RORA: variants seen among roughly 807,000 people sequenced by gnomAD.
RORA encodes nuclear receptor ROR-alpha.
A neutral mutation model predicts 69.5 loss-of-function variants in RORA; 7 were observed. That is an observed-to-expected ratio of 0.10 (90% confidence interval 0.06 to 0.19). The LOEUF is 0.19. Among genes scored for constraint, RORA ranks in the 10% least tolerant of loss-of-function variants. The pLI is 1.00. For synonymous variants in RORA, 261 were observed against 240.8 expected, an observed-to-expected ratio of 1.08 and a Z score of -0.78; for missense variants, 457 against 663.0, an observed-to-expected ratio of 0.69 and a Z score of 3.41.
intron 1 of RORA, among the ~76,000 whole-genome samples, chr15:61,182,267 C>T (rs914450542): frequency 3.3e-5 from 5 of 152,186 alleles, no homozygotes; most frequent in Admixed American, 6.5e-5. Context: ...TCAAGTTCCT[C>T]GCCTGAGGTC....
At chr15:61,216,362 G>C (rs1424784529) in intron 1 of RORA, among the ~76,000 whole-genome samples, 2 of 152,184 alleles carry the variant, frequency 1.3e-5, no homozygotes, top group Admixed American at 6.5e-5. Context: ...GAGTCTTTTA[G>C]AGTATTGCTT....
chr15:60,984,313 G>A lies in RORA; in HGVS notation c.166+244740C>T, dbSNP rs549024657. On this transcript the variant is annotated intron_variant, in intron 1 of 10. Transcript: ENST00000335670. Reference sequence around the variant, plus strand: ...ATAATACTCACAAAGAGAGGTTGGAGAAGGGTGCATTCTACATATATTTTT... The same window carrying A: ...ATAATACTCACAAAGAGAGGTTGGAAAAGGGTGCATTCTACATATATTTTT... Among the ~76,000 whole-genome samples, 140 of 152,212 alleles carry A rather than the reference G, an allele frequency of 9.2e-4. 4 individuals carry two copies. Among genetic ancestry groups the A allele is most frequent in the African/African-American group, 3.0e-3 (125 of 41,548 alleles).
At chr15:61,122,135 C>T (rs187211869) in intron 1 of RORA, among the ~76,000 whole-genome samples, 230 of 152,310 alleles carry the variant, frequency 1.5e-3, no homozygotes, top group African/African-American at 5.3e-3. Flanking sequence ...GGCATCTCAG[C>T]AGTTCTTTAC....
chr15:60,830,563 A>C (rs2073029106), intron 1 of RORA, among the ~76,000 whole-genome samples: 2 of 152,236 alleles, frequency 1.3e-5, no homozygotes. Flanking sequence ...TACACAACTG[A>C]AATTGTTCCC....
intron 1 of RORA, among the ~76,000 whole-genome samples, chr15:61,154,254 G>T (rs1297103036): frequency 2.0e-5 from 3 of 151,982 alleles, no homozygotes; most frequent in Non-Finnish European, 4.4e-5. Flanking sequence ...GATGAAAAGG[G>T]GTACAAAAGT....
chr15:60,996,603 C>T (rs1273252828), intron 1 of RORA, among the ~76,000 whole-genome samples: 1 of 152,020 alleles, frequency 6.6e-6, no homozygotes, highest in Non-Finnish European at 1.5e-5. Flanking sequence ...CATCAGTTAC[C>T]CTTTAAATAC....
chr15:61,199,483 G>C (rs1342227071), intron 1 of RORA, among the ~76,000 whole-genome samples: 1 of 152,140 alleles, frequency 6.6e-6, no homozygotes, highest in African/African-American at 2.4e-5. Flanking sequence ...AGCAGGGAAA[G>C]AAAGAAAAAT....
At chr15:61,099,534 G>A (rs1002856016) in intron 1 of RORA, among the ~76,000 whole-genome samples, 14 of 152,212 alleles carry the variant, frequency 9.2e-5, no homozygotes, top group African/African-American at 3.4e-4. Context: ...TGACAGTAGT[G>A]GGACATTAGA....
At chr15:61,185,893 C>T (rs62007612) in intron 1 of RORA, among the ~76,000 whole-genome samples, 1 of 152,148 alleles carries the variant, frequency 6.6e-6, no homozygotes, top group South Asian at 2.1e-4. Context: ...ACCTGCATTG[C>T]TGCCATTATT....
chr15:60,909,032 C>T (rs565543900), intron 1 of RORA, among the ~76,000 whole-genome samples: 7 of 152,286 alleles, frequency 4.6e-5, no homozygotes, highest in Middle Eastern at 3.4e-3. Flanking sequence ...ACCCAGGGAT[C>T]TGCTCACACC....
intron 2 of RORA, among the ~76,000 whole-genome samples, chr15:60,659,052 G>A (rs948365556): frequency 1.3e-5 from 2 of 152,114 alleles, no homozygotes; most frequent in Non-Finnish European, 2.9e-5. Flanking sequence ...GCATTAACAA[G>A]AACAGAATTA....
intron 1 of RORA, among the ~76,000 whole-genome samples, chr15:60,857,594 G>T (rs1459492065): frequency 6.6e-6 from 1 of 152,004 alleles, no homozygotes; most frequent in Non-Finnish European, 1.5e-5. Flanking sequence ...TCAAGACTCA[G>T]CCTCAAAGCA....
At chr15:60,667,612 T>A (rs1477431731) in intron 2 of RORA, among the ~76,000 whole-genome samples, 1 of 152,094 alleles carries the variant, frequency 6.6e-6, no homozygotes, top group Non-Finnish European at 1.5e-5. Flanking sequence ...ATAGTTCGTT[T>A]TTTGTTTCTT....
intron 2 of RORA, among the ~76,000 whole-genome samples, chr15:60,561,182 C>T (rs1050961162): frequency 3.3e-5 from 5 of 150,710 alleles, no homozygotes; most frequent in South Asian, 2.1e-4. Context: ...CCCGGGTTCA[C>T]GCCATTCTCC....
intron 1 of RORA, among the ~76,000 whole-genome samples, chr15:60,746,440 A>C (rs2071649793): frequency 6.6e-6 from 1 of 152,262 alleles, no homozygotes; most frequent in Middle Eastern, 3.4e-3. Context: ...AGAGTGGTTT[A>C]TGAGCCCTGA....
chr15:60,805,706 T>C (rs892826153), intron 1 of RORA, among the ~76,000 whole-genome samples: 1 of 152,190 alleles, frequency 6.6e-6, no homozygotes, highest in African/African-American at 2.4e-5. Flanking sequence ...CCCAGTAGGC[T>C]CCTCTCTCTG....
At chr15:60,815,653 C>T (rs896026862) in intron 1 of RORA, among the ~76,000 whole-genome samples, 2 of 151,882 alleles carry the variant, frequency 1.3e-5, no homozygotes, top group East Asian at 1.9e-4. Context: ...ATTGCCCACC[C>T]TCCCTGCCCC....
chr15:61,125,286 T>C (rs1000747618), intron 1 of RORA, among the ~76,000 whole-genome samples: 1 of 152,232 alleles, frequency 6.6e-6, no homozygotes, highest in Non-Finnish European at 1.5e-5. Flanking sequence ...CACATGTTTA[T>C]GGAATCTTAT....
At chr15:60,861,737 C>T (rs1595773577) in intron 1 of RORA, among the ~76,000 whole-genome samples, 1 of 152,284 alleles carries the variant, frequency 6.6e-6, no homozygotes, top group Admixed American at 6.5e-5. Context: ...TCTTCCTCTT[C>T]GTGTAATTTG....
Sources: allele counts gnomAD v4.1 joint callset (sites outside exome capture counted in the v4.1 genomes callset), GRCh38; gene constraint gnomAD v4.1.1; transcripts MANE v1.5; gene names NCBI Gene and HGNC (gene_info 2026-07-23, HGNC 2026-07-21).